The following PDZD2 variants were observed in gnomAD, a reference collection of about 807,000 sequenced individuals.
PDZD2 encodes PDZ domain-containing protein 2.
In PDZD2, 90 loss-of-function variants were observed where a neutral mutation model predicts 220.7. The observed-to-expected ratio is 0.41, with a 90% CI of 0.34 to 0.49. The LOEUF (loss-of-function observed/expected upper bound fraction) is 0.49, where lower values mean the gene tolerates loss of function less well. Among genes scored for constraint, PDZD2 ranks in the 20% least tolerant of loss-of-function variants. The pLI, the probability that PDZD2 is intolerant of heterozygous loss-of-function variation, is 0.28. For synonymous variants in PDZD2, 1,375 were observed against 1,450.5 expected, an observed-to-expected ratio of 0.95 and a Z score of 1.18; for missense variants, 3,174 against 3,608.5, an observed-to-expected ratio of 0.88 and a Z score of 3.08.
chr5:31,743,532 G>T (rs780212108), intron 1 of PDZD2, among the ~76,000 whole-genome samples: 11 of 152,080 alleles, frequency 7.2e-5, no homozygotes, highest in Non-Finnish European at 1.6e-4. Flanking sequence ...TTATGCTATT[G>T]TATCTTGCAT....
At chr5:32,022,717 C>T (rs981182744) in intron 6 of PDZD2, among the ~76,000 whole-genome samples, 2 of 152,038 alleles carry the variant, frequency 1.3e-5, no homozygotes, top group African/African-American at 4.8e-5. Context: ...TACAGTGGTC[C>T]TCAAATAGGA....
chr5:31,910,016 G>A (rs991654000), intron 2 of PDZD2, among the ~76,000 whole-genome samples: 9 of 151,990 alleles, frequency 5.9e-5, no homozygotes, highest in African/African-American at 1.9e-4. Context: ...CGTTTACTAC[G>A]TGCCAAATAC....
chr5:32,090,632 G>A lies in PDZD2; in HGVS notation c.7184G>A (p.Arg2395His), dbSNP rs771473510. Reference protein sequence around the residue: ...PGDAAARLLRRSLSSCSENQS... With the variant: ...PGDAAARLLRHSLSSCSENQS... Reference sequence around the variant, plus strand: ...GACGCAGCAGCAAGGTTGTTGAGACGCAGCTTGAGTTCCTGCAGCGAAAAC... The same window carrying A: ...GACGCAGCAGCAAGGTTGTTGAGACACAGCTTGAGTTCCTGCAGCGAAAAC... The change falls in exon 20 of 25, where the codon CGC (arginine) becomes CAC (histidine). Residue 2395 changes from arginine (R) to histidine (H), a missense_variant. Physicochemically the swap from Arg to His is conservative, Grantham distance 29. This residue lies in a region of PDZD2 where 631 missense variants were observed against 789.9 expected (regional missense o/e 0.80). Transcript: ENST00000438447. The surrounding 1 kb of genome is among the most constrained non-coding windows in gnomAD (Gnocchi z 4.3). 8 of 1,613,994 alleles carry A rather than the reference G, an allele frequency of 5.0e-6. No individual in the cohort carries two copies. The African/African-American group carries it at 8.0e-5, about 16-fold the overall frequency.
At chr5:31,725,859 G>A (rs1203202436) in intron 1 of PDZD2, 53 of 777,888 alleles carry the variant, frequency 6.8e-5, no homozygotes, top group Middle Eastern at 3.5e-4. Flanking sequence ...CTGCTACGCC[G>A]TGGTCTTCCA....
chr5:31,815,245 C>CAAAAAAAA (rs59040987), intron 2 of PDZD2, among the ~76,000 whole-genome samples: 32 of 57,926 alleles, frequency 5.5e-4, no homozygotes, highest in African/African-American at 1.9e-3. Flanking sequence ...AACTCTGTCT[C>CAAAAAAAA]AAAAAAAAAA....
intron 14 of PDZD2, among the ~76,000 whole-genome samples, chr5:32,066,836 GGTGGCCGCC>G (rs1173484479): frequency 2.6e-5 from 4 of 152,126 alleles, no homozygotes; most frequent in Non-Finnish European, 5.9e-5. Context: ...CATCATATCT[GGTGGCCGCC>G]ATGCCATTGA....
intron 8 of PDZD2, among the ~76,000 whole-genome samples, chr5:32,049,359 A>T (rs955447145): frequency 1.3e-5 from 2 of 152,174 alleles, no homozygotes; most frequent in African/African-American, 4.8e-5. Flanking sequence ...GAGTCCTGGC[A>T]CCACTAACCA....
intron 2 of PDZD2, among the ~76,000 whole-genome samples, chr5:31,864,175 G>A (rs1221280925): frequency 6.6e-6 from 1 of 152,140 alleles, no homozygotes; most frequent in Non-Finnish European, 1.5e-5. Context: ...GGCTTCTGAC[G>A]ATGGCTGATT....
chr5:31,671,849 C>A (rs2150118474), intron 1 of PDZD2, among the ~76,000 whole-genome samples: 1 of 152,314 alleles, frequency 6.6e-6, no homozygotes, highest in East Asian at 1.9e-4. Flanking sequence ...TGAAGCTTTG[C>A]ATTTAAAGGG....
chr5:31,939,575 A>T (rs1290774534), intron 2 of PDZD2, among the ~76,000 whole-genome samples: 1 of 152,170 alleles, frequency 6.6e-6, no homozygotes, highest in Non-Finnish European at 1.5e-5. Context: ...TCAGAATTCT[A>T]AAACTACCTG....
At chr5:32,064,410 C>CTTTTGT (rs1740000970) in intron 14 of PDZD2, among the ~76,000 whole-genome samples, 1 of 151,608 alleles carries the variant, frequency 6.6e-6, no homozygotes, top group Admixed American at 6.6e-5. Context: ...CTCAACTAAT[C>CTTTTGT]TTTTGTATTT....
At chr5:31,997,967 C>T (rs912253116) in intron 4 of PDZD2, among the ~76,000 whole-genome samples, 5 of 152,154 alleles carry the variant, frequency 3.3e-5, no homozygotes, top group African/African-American at 1.2e-4. Context: ...CTCCACCTCC[C>T]AAGTAGCTGG....
At chr5:32,103,746 T>C (rs1744475751) in intron 24 of PDZD2, 2 of 152,202 alleles carry the variant, frequency 1.3e-5, no homozygotes, top group East Asian at 1.9e-4. Context: ...CAAAAAAGCG[T>C]GTGAGCCTGC....
intron 2 of PDZD2, among the ~76,000 whole-genome samples, chr5:31,947,191 G>A (rs1746715452): frequency 6.6e-6 from 1 of 152,212 alleles, no homozygotes; most frequent in Non-Finnish European, 1.5e-5. Flanking sequence ...AAAGACCAGA[G>A]TCTACAAAGA....
Position 32,073,997 on chromosome 5 carries a change from G to A in PDZD2, c.2891G>A (p.Cys964Tyr). Residue 964 changes from cysteine (C) to tyrosine (Y), a missense_variant, in exon 18 of 25, where the codon TGC becomes TAC. Physicochemically the swap from Cys to Tyr is radical, Grantham distance 194. Transcript: ENST00000438447. ...NPLLRQRKVG[C>Y]YDANDASDEE... is the part of the protein sequence containing the mutation. ...CTCCTCCGCCAGAGGAAGGTAGGCT[G>A]CTACGATGCCAACGATGCCAGTGAT... 6.2e-7 allele frequency: 1 copy of A among 1,614,204 alleles called. No individual in the cohort carries two copies. The highest frequency in any genetic ancestry group is 8.5e-7 in the Non-Finnish European group (1 of 1,180,036).
chr5:31,953,753 G>A (rs538709295), intron 2 of PDZD2, among the ~76,000 whole-genome samples: 2 of 151,718 alleles, frequency 1.3e-5, no homozygotes, highest in East Asian at 3.9e-4. Context: ...CTCCCAGGTT[G>A]AAGCAATTCT....
rs1384605974 is a variant in PDZD2 at position 31,799,383 on chromosome 5, C to T, written c.135C>T (p.Tyr45=). ...CGGCCATCCAGAAGCTGCAGGAGTA[C>T]ATCCAGCTGAACTTTGCTGTGGATG... is the stretch of plus-strand genomic sequence containing the variant. ...CQAAIQKLQE[Y]IQLNFAVDES... is the part of the protein sequence containing the mutation. Residue 45 remains tyrosine (Y), a synonymous_variant, in exon 2 of 25, where the codon TAC becomes TAT. Transcript: ENST00000438447. The T allele has an allele frequency of 1.9e-6, 3 of 1,614,088 alleles. No homozygotes were observed. In the East Asian group the frequency reaches 6.7e-5, roughly 36 times the overall value.
chr5:31,860,043 A>G (rs62361583), intron 2 of PDZD2, among the ~76,000 whole-genome samples: 6,370 of 152,178 alleles, frequency 0.042, 157 homozygotes, highest in Non-Finnish European at 0.054. Context: ...TGTTCTCTGG[A>G]GAAACTGGGT....
intron 2 of PDZD2, chr5:31,843,586 TATC>T (rs1157679321): frequency 6.6e-6 from 1 of 152,162 alleles, no homozygotes; most frequent in African/African-American, 2.4e-5. Flanking sequence ...TTTTTCTTGA[TATC>T]ATCATGTCCT....
Sources: allele counts gnomAD v4.1 joint callset (sites outside exome capture counted in the v4.1 genomes callset), GRCh38; gene constraint gnomAD v4.1.1; regional missense constraint gnomAD v4.1.1; non-coding constraint Gnocchi (gnomAD v3.1); transcripts MANE v1.5; gene names NCBI Gene and HGNC (gene_info 2026-07-23, HGNC 2026-07-21).